Variants in FASTKD1 observed in about 807,000 individuals in gnomAD.
The protein encoded by FASTKD1 is FAST kinase domains 1, also known as FAST kinase domain-containing protein 1, mitochondrial.
Under a neutral mutation model 90.9 loss-of-function variants are expected in FASTKD1, and 94 were observed. That is an observed-to-expected ratio of 1.03 (90% CI 0.88 to 1.23). The LOEUF is 1.23. Ranked by LOEUF, FASTKD1 falls within the 50% of genes most tolerant of loss-of-function variation. The pLI is 0.00. For missense variants in FASTKD1, 945 were observed against 993.5 expected (o/e 0.95, Z 0.66); for synonymous variants, 319 against 345.8 (o/e 0.92, Z 0.86).
intron 5 of FASTKD1, among the ~76,000 whole-genome samples, chr2:169,560,070 T>A (rs1490030988): frequency 1.3e-5 from 2 of 152,124 alleles, no homozygotes; most frequent in African/African-American, 4.8e-5. Context: ...TTACACTGGG[T>A]GGGGGAGTCT....
At chr2:169,570,643 A>C (rs1684193083) in intron 2 of FASTKD1, among the ~76,000 whole-genome samples, 1 of 150,084 alleles carries the variant, frequency 6.7e-6, no homozygotes, top group Non-Finnish European at 1.5e-5. Context: ...CACAGACAAA[A>C]TTTACTAATT....
chr2:169,572,039 A>T lies in FASTKD1; in HGVS notation c.-10T>A. 6.4e-7 allele frequency: 1 copy of T among 1,554,904 alleles called. No homozygotes were observed. The highest frequency in any genetic ancestry group is 8.7e-7 in the Non-Finnish European group (1 of 1,151,402). Reference sequence around the variant, plus strand: ...CAGGTGTTTTTTTCATTTATATCACAAGTTTTCTTAGGTAAACAAAACCAT... The same window carrying T: ...CAGGTGTTTTTTTCATTTATATCACTAGTTTTCTTAGGTAAACAAAACCAT... On this transcript the variant is annotated 5_prime_UTR_variant, in exon 2 of 15. Transcript: ENST00000453153.
intron 3 of FASTKD1, among the ~76,000 whole-genome samples, chr2:169,564,880 T>C (rs917577257): frequency 2.0e-5 from 3 of 152,032 alleles, no homozygotes; most frequent in Admixed American, 6.6e-5. Flanking sequence ...GTTCCACCCA[T>C]GTTGCAAATG....
chr2:169,531,338 A>C lies in FASTKD1; in HGVS notation c.2327+14T>G. ...TTAGATATTAATACAATCTAAAACT[A>C]AGAAATAAATTACCTTTCAGCCCCT... On this transcript the variant is annotated intron_variant, in intron 13 of 14. Coordinates refer to ENST00000453153, the MANE Select transcript of FASTKD1 (RefSeq NM_024622.6). 1 of 1,612,138 alleles carries C rather than the reference A, an allele frequency of 6.2e-7. No homozygotes were observed. The highest frequency in any genetic ancestry group is 8.5e-7 in the Non-Finnish European group (1 of 1,178,402).
intron 12 of FASTKD1, among the ~76,000 whole-genome samples, chr2:169,533,691 T>C (rs1365257585): frequency 6.6e-6 from 1 of 152,088 alleles, no homozygotes; most frequent in African/African-American, 2.4e-5. Flanking sequence ...AGCAAAAAAA[T>C]CTTACAGATT....
In FASTKD1 at chr2:169,546,375, G is replaced by T; in HGVS notation, c.1544C>A (p.Ser515Ter). The T allele has an allele frequency of 1.9e-6, 3 of 1,614,008 alleles. No individual in the cohort carries two copies. In the South Asian group the frequency reaches 3.3e-5, roughly 18 times the overall value. The change falls in exon 8 of 15, where the codon TCA becomes TAA. Residue 515 changes from serine (S) to a stop codon, truncating the protein, a stop_gained. Coordinates refer to ENST00000453153, the MANE Select transcript of FASTKD1 (RefSeq NM_024622.6). LOFTEE classifies it high-confidence loss of function. ...KSLKGNTFPESLLEEMIATLQ... is the reference protein window; with the variant it reads ...KSLKGNTFPE ...AGTAGCAATCATTTCTTCAAGAAGT[G>T]ACTCAGGAAACGTGTTTCCTTTGAG...
Position 169,529,613 on chromosome 2 carries a change from T to C in FASTKD1, c.*212A>G. Reference sequence around the variant, plus strand: ...CGCTCAGAGTAGCCAAGAGGTTGTATTTGACTCTGTTATCTCTTATCTTTT... The same window carrying C: ...CGCTCAGAGTAGCCAAGAGGTTGTACTTGACTCTGTTATCTCTTATCTTTT... On this transcript the variant is annotated 3_prime_UTR_variant, in exon 15 of 15. Transcript: ENST00000453153. The C allele has an allele frequency of 2.2e-6, 1 of 446,192 alleles. No individual in the cohort carries two copies. The highest frequency in any genetic ancestry group is 3.8e-5 in the South Asian group (1 of 26,170). The allele number at this position is 446,192 out of a possible 1,614,324, so 27.6% of individuals were successfully genotyped here.
At chr2:169,570,482 T>C (rs2094750764) in intron 2 of FASTKD1, among the ~76,000 whole-genome samples, 4 of 152,166 alleles carry the variant, frequency 2.6e-5, no homozygotes, top group South Asian at 2.1e-4. Context: ...TTGTATAACA[T>C]TGTTATCAAA....
intron 13 of FASTKD1, chr2:169,531,030 A>T: frequency 1.5e-6 from 1 of 664,956 alleles, no homozygotes; most frequent in Non-Finnish European, 2.8e-6. Flanking sequence ...GATGTATAGT[A>T]AGTTACTGTA....
At position 169,544,715 on chromosome 2, in the gene FASTKD1, AC is replaced by A. The variant is rs777224591; in HGVS notation, c.1816+5del. 3 of 1,495,200 alleles carry A rather than the reference AC, an allele frequency of 2.0e-6. No individual in the cohort carries two copies. Among genetic ancestry groups the A allele is most frequent in the Non-Finnish European group, 2.8e-6 (3 of 1,072,988 alleles). 92.6% of individuals were successfully genotyped at this position (1,495,200 alleles called of 1,614,324 possible). The stretch of plus-strand genomic sequence containing the variant: ...CACTCAATGTATTACCAAACAATAT[AC>A]CTACCTAAGTAAGAATTAAGATGTT... On this transcript the variant is annotated splice_donor_5th_base_variant and intron_variant, in intron 9 of 14. Coordinates refer to ENST00000453153, the MANE Select transcript of FASTKD1 (RefSeq NM_024622.6).
At chr2:169,546,180 C>T in intron 8 of FASTKD1, 38 bp downstream of exon 8, 2 of 1,504,014 alleles carry the variant, frequency 1.3e-6, no homozygotes, top group Non-Finnish European at 1.8e-6. Context: ...CAGAAGTTGA[C>T]AACTCTATAA....
At position 169,572,125 on chromosome 2, in the gene FASTKD1, T is replaced by G; in HGVS notation, c.-96A>C. The G allele has an allele frequency of 6.9e-7, 1 of 1,445,222 alleles. No homozygotes were observed. Among genetic ancestry groups the G allele is most frequent in the Non-Finnish European group, 9.2e-7 (1 of 1,090,556 alleles). The allele number at this position is 1,445,222 out of a possible 1,614,324, so 89.5% of individuals were successfully genotyped here. On this transcript the variant is annotated 5_prime_UTR_variant, in exon 2 of 15. Coordinates refer to ENST00000453153, the MANE Select transcript of FASTKD1 (RefSeq NM_024622.6). ...CAAATAACAGTTTTTCCTTCATGTA[T>G]TTTGCTTCCATTACAATGACTGTAA... is the stretch of plus-strand genomic sequence containing the variant.
chr2:169,555,576 T>C (rs1292132949), intron 6 of FASTKD1, among the ~76,000 whole-genome samples: 1 of 152,182 alleles, frequency 6.6e-6, no homozygotes, highest in Non-Finnish European at 1.5e-5. Context: ...TAACAAAATC[T>C]TTACCAAGAG....
At chr2:169,531,578 A>G in intron 12 of FASTKD1, 88 bp from the exon 13 acceptor site, 1 of 1,025,538 alleles carries the variant, frequency 9.8e-7, no homozygotes, top group Non-Finnish European at 1.4e-6. Flanking sequence ...ATATGCATAT[A>G]ATATTTGTAC....
rs764623152 is a variant in FASTKD1, at chr2:169,531,372, C to T, written c.2307G>A (p.Arg769=). ...WESNIEIVGS[R]LPPGAERIAL... ...ATTACCTTTCAGCCCCTGGTGGCAG[C>T]CTTGATCCAACTATTTCGATATTTG... Residue 769 remains arginine (R), a synonymous_variant, in exon 13 of 15, where the codon AGG becomes AGA. Transcript: ENST00000453153. 6.2e-6 allele frequency: 10 copies of T among 1,613,468 alleles called. No individual in the cohort carries two copies. In the African/African-American group the frequency reaches 1.1e-4, roughly 17 times the overall value.
intron 10 of FASTKD1, among the ~76,000 whole-genome samples, chr2:169,538,935 A>G (rs551008169): frequency 6.6e-6 from 1 of 152,318 alleles, no homozygotes; most frequent in East Asian, 1.9e-4. Context: ...AAGGCAGCAT[A>G]TAAAAGTGAA....
intron 7 of FASTKD1, among the ~76,000 whole-genome samples, chr2:169,551,652 C>T (rs1685495601): frequency 6.6e-6 from 1 of 152,034 alleles, no homozygotes; most frequent in South Asian, 2.1e-4. Context: ...CAAAAAGTAG[C>T]TGGGTGTGGT....
chr2:169,559,708 G>A (rs1200952574), intron 5 of FASTKD1, among the ~76,000 whole-genome samples: 9 of 152,254 alleles, frequency 5.9e-5, no homozygotes, highest in Non-Finnish European at 1.2e-4. Context: ...GTGCAACGCC[G>A]TGCCCAGCTT....
chr2:169,569,715 G>T (rs536231464), intron 2 of FASTKD1, among the ~76,000 whole-genome samples: 1 of 152,168 alleles, frequency 6.6e-6, no homozygotes, highest in Non-Finnish European at 1.5e-5. Flanking sequence ...GCTGGGCGTG[G>T]TGGCATGTGC....
Sources: allele counts gnomAD v4.1 joint callset (sites outside exome capture counted in the v4.1 genomes callset), GRCh38; gene constraint gnomAD v4.1.1; transcripts MANE v1.5; gene names NCBI Gene and HGNC (gene_info 2026-07-23, HGNC 2026-07-21).